The following DMD variants were observed in gnomAD, a reference collection of about 807,000 sequenced individuals.
DMD encodes dystrophin, also known as mutant dystrophin.
A neutral mutation model predicts 330.1 loss-of-function variants in DMD; 63 were observed. The observed-to-expected ratio is 0.19, with a 90% CI of 0.16 to 0.24. The LOEUF is 0.24. DMD is among the 10% of genes least tolerant of loss of function. The pLI is 1.00. For missense variants in DMD, 3,344 were observed against 2,684.1 expected (o/e 1.25, Z -5.43); for synonymous variants, 1,223 against 959.8 (o/e 1.27, Z -5.07).
chrX:32,701,095 A>G (rs950904498), intron 7 of DMD, among the ~76,000 whole-genome samples: 1 of 112,233 alleles, frequency 8.9e-6, no homozygotes, highest in Non-Finnish European at 1.9e-5. Context: ...GGGATCTTTT[A>G]AAACTACAGA....
intron 52 of DMD, among the ~76,000 whole-genome samples, chrX:31,710,733 G>C (rs1346470312): frequency 1.8e-5 from 2 of 111,331 alleles, no homozygotes; most frequent in Non-Finnish European, 3.8e-5. Flanking sequence ...GCATGAATCA[G>C]TCTCCCAGAG....
chrX:32,699,223 A>C lies in DMD; in HGVS notation c.720T>G (p.Pro240=), dbSNP rs2147605620. The C allele has an allele frequency of 2.5e-6, 3 of 1,209,621 alleles. No individual in the cohort carries two copies. In the South Asian group the frequency reaches 5.3e-5, roughly 21 times the overall value. The part of the protein sequence containing the change: ...MYITSLFQVL[P]QQVSIEAIQE... ...GGATGGCTTCAATGCTCACTTGTTGAGGCAAAACTTGGAAGAGTGATGTGA... is the reference window on the plus strand; with the variant it reads ...GGATGGCTTCAATGCTCACTTGTTGCGGCAAAACTTGGAAGAGTGATGTGA... The change falls in exon 8 of 79, where the codon CCT becomes CCG. Residue 240 remains proline (P), a synonymous_variant. Transcript: ENST00000357033.
chrX:32,546,896 A>C (rs1230885564), intron 16 of DMD, among the ~76,000 whole-genome samples: 1 of 111,931 alleles, frequency 8.9e-6, no homozygotes, highest in Non-Finnish European at 1.9e-5. Context: ...ACACAAAATG[A>C]CCATTACGTG....
intron 4 of DMD, among the ~76,000 whole-genome samples, chrX:32,827,875 G>A (rs1162166942): frequency 3.6e-5 from 4 of 110,585 alleles, no homozygotes; most frequent in Middle Eastern, 9.3e-3. Context: ...TGGTCAGGCT[G>A]GTCTCGAACT....
intron 2 of DMD, among the ~76,000 whole-genome samples, chrX:32,905,044 C>T: frequency 8.9e-6 from 1 of 111,910 alleles, no homozygotes; most frequent in Admixed American, 9.5e-5. Flanking sequence ...TATATTGGGA[C>T]CATATGACCT....
chrX:32,828,971 C>A (rs1209222456), intron 4 of DMD, among the ~76,000 whole-genome samples: 2 of 110,430 alleles, frequency 1.8e-5, no homozygotes, highest in Admixed American at 9.6e-5. Context: ...TGGTAGTTTT[C>A]TTTTCCTTCT....
In DMD at chrX:33,141,051, A is replaced by G. The variant is rs374286653; in HGVS notation, c.31+70231T>C. Among the ~76,000 whole-genome samples the G allele has an allele frequency of 8.0e-4, 90 of 111,909 alleles. 3 individuals carry two copies. In the East Asian group the frequency reaches 0.021, roughly 26 times the overall value. On this transcript the variant is annotated intron_variant, in intron 1 of 78. Transcript: ENST00000357033. ...ATGCTGTATACATTTTAAGTGATATAAATCTTTCCAACAAACCTAAAATGT... is the reference window on the plus strand; with the variant it reads ...ATGCTGTATACATTTTAAGTGATATGAATCTTTCCAACAAACCTAAAATGT...
At chrX:31,460,594 T>C (rs767195842) in intron 59 of DMD, among the ~76,000 whole-genome samples, 22 of 111,809 alleles carry the variant, frequency 2.0e-4, no homozygotes, top group Non-Finnish European at 3.6e-4. Flanking sequence ...AATATATATA[T>C]AGTTTGAGAC....
chrX:32,740,234 T>C (rs1256427060), intron 7 of DMD, among the ~76,000 whole-genome samples: 6 of 110,562 alleles, frequency 5.4e-5, no homozygotes, highest in Admixed American at 3.9e-4. Flanking sequence ...TACCAATCTA[T>C]AGTGACATGA....
At position 33,009,832 on chromosome X, in the gene DMD, GTATATGTGTATA is replaced by G. The variant is rs2093612872; in HGVS notation, c.93+10295_93+10306del. 2.1e-4 allele frequency among the ~76,000 whole-genome samples: 8 copies of G among 37,545 alleles called. 1 individual carries two copies. The highest frequency in any genetic ancestry group is 5.3e-4 in the African/African-American group (5 of 9,425). 32.6% of individuals were successfully genotyped at this position (37,545 alleles called of 115,157 possible). On this transcript the variant is annotated intron_variant, in intron 2 of 78. Coordinates refer to ENST00000357033, the MANE Select transcript of DMD (RefSeq NM_004006.3). The stretch of plus-strand genomic sequence containing the variant: ...TATACACACATATGTGTATATGTGT[GTATATGTGTATA>G]TACACACATATGTGTATATGTGTGT...
chrX:31,372,137 C>T (rs66740739), intron 60 of DMD, among the ~76,000 whole-genome samples: 4,947 of 111,155 alleles, frequency 0.045, 275 homozygotes, highest in African/African-American at 0.15. Context: ...GGCTTAGGGG[C>T]AGAGACTATC....
chrX:32,618,233 C>G (rs1436837358), intron 11 of DMD, among the ~76,000 whole-genome samples: 2 of 112,162 alleles, frequency 1.8e-5, no homozygotes, highest in Admixed American at 1.9e-4. Context: ...CGTGGCAGCA[C>G]TATTCACAAT....
chrX:33,007,843 A>T (rs1429152502), intron 2 of DMD, among the ~76,000 whole-genome samples: 1 of 111,805 alleles, frequency 8.9e-6, no homozygotes, highest in Non-Finnish European at 1.9e-5. Context: ...TTATTCTCTG[A>T]CTGACATAAT....
chrX:31,654,253 A>C (rs2148592085), intron 54 of DMD, among the ~76,000 whole-genome samples: 1 of 111,920 alleles, frequency 8.9e-6, no homozygotes, highest in Admixed American at 9.5e-5. Context: ...CCAAGTGTAC[A>C]AAAATTTTGC....
intron 21 of DMD, among the ~76,000 whole-genome samples, chrX:32,473,948 A>G (rs1243287032): frequency 9.1e-6 from 1 of 109,795 alleles, no homozygotes; most frequent in Non-Finnish European, 1.9e-5. Context: ...AGCAGTATAC[A>G]CTGTACCCTA....
intron 49 of DMD, among the ~76,000 whole-genome samples, chrX:31,832,549 CA>C (rs1236242590): frequency 1.8e-5 from 2 of 112,007 alleles, no homozygotes; most frequent in Non-Finnish European, 3.8e-5. Context: ...CCCTCTTGAC[CA>C]TTTGTCTACA....
intron 57 of DMD, among the ~76,000 whole-genome samples, chrX:31,480,665 T>G (rs1479530582): frequency 9.2e-5 from 10 of 108,754 alleles, no homozygotes; most frequent in African/African-American, 3.3e-4. Flanking sequence ...AATTATCATT[T>G]TGCCTAGTTT....
chrX:32,952,200 C>A (rs1248010098), intron 2 of DMD, among the ~76,000 whole-genome samples: 1 of 109,194 alleles, frequency 9.2e-6, no homozygotes, highest in Non-Finnish European at 1.9e-5. Context: ...GTGGCACAAT[C>A]GCGGTTCACT....
intron 51 of DMD, among the ~76,000 whole-genome samples, chrX:31,756,026 C>G (rs2089043635): frequency 9.0e-6 from 1 of 111,034 alleles, no homozygotes; most frequent in Non-Finnish European, 1.9e-5. Flanking sequence ...GAGAGAGACA[C>G]AGAGAGAGAG....
Sources: gnomAD v4.1 joint callset for allele counts (sites outside exome capture counted in the v4.1 genomes callset) on GRCh38, gnomAD v4.1.1 for gene constraint, MANE v1.5 for transcripts, NCBI Gene and HGNC (gene_info 2026-07-23, HGNC 2026-07-21) for gene names.